Variants in PTPN3 observed in about 807,000 individuals in gnomAD.
PTPN3 encodes the protein protein tyrosine phosphatase non-receptor type 3.
A neutral mutation model predicts 132.7 loss-of-function variants in PTPN3; 96 were observed. That is an observed-to-expected ratio of 0.72 (90% CI 0.61 to 0.86). The LOEUF (loss-of-function observed/expected upper bound fraction) is 0.86, where lower values mean the gene tolerates loss of function less well. Among genes scored for constraint, PTPN3 ranks in the 40% least tolerant of loss-of-function variants. The probability of loss-of-function intolerance (pLI) is 0.00; values close to 1 mark genes in which losing one functional copy is unlikely to be tolerated. For synonymous variants in PTPN3, 398 were observed against 429.0 expected, an observed-to-expected ratio of 0.93 and a Z score of 0.89; for missense variants, 1,125 against 1,159.6, an observed-to-expected ratio of 0.97 and a Z score of 0.43.
chr9:109,500,303 T>C (rs1847847426), upstream of PTPN3, among the ~76,000 whole-genome samples: 4 of 152,216 alleles, frequency 2.6e-5, no homozygotes, highest in Admixed American at 2.6e-4. Context: ...TGTCTTAATC[T>C]GCTGACCCCT....
chr9:109,525,682 A>G, the PTPN3 span, among the ~76,000 whole-genome samples: 1 of 152,220 alleles, frequency 6.6e-6, no homozygotes, highest in Admixed American at 6.5e-5. Flanking sequence ...CCTGCTAATT[A>G]ACTCAAGCGT....
At chr9:109,537,627 T>C in the PTPN3 span, among the ~76,000 whole-genome samples, 3 of 152,224 alleles carry the variant, frequency 2.0e-5, no homozygotes, top group Non-Finnish European at 4.4e-5. Flanking sequence ...ATCTGAAAGA[T>C]TGGGGCTTAG....
intron 14 of PTPN3, among the ~76,000 whole-genome samples, chr9:109,410,813 A>T (rs1430240218): frequency 2.0e-5 from 3 of 152,102 alleles, no homozygotes; most frequent in African/African-American, 7.2e-5. Context: ...CTTCTGTCTC[A>T]CTTCTGCGGA....
intron 1 of PTPN3, among the ~76,000 whole-genome samples, chr9:109,487,487 A>G (rs1418229231): frequency 6.6e-6 from 1 of 152,246 alleles, no homozygotes; most frequent in East Asian, 1.9e-4. Flanking sequence ...GCCTCACCAG[A>G]GGCTCTGATT....
intron 11 of PTPN3, 48 bp from the exon 12 acceptor site, chr9:109,427,170 G>A: frequency 6.3e-7 from 1 of 1,589,792 alleles, no homozygotes; most frequent in Non-Finnish European, 8.6e-7. Flanking sequence ...CATAGGAGCA[G>A]GGACTTGTAA....
At chr9:109,466,742 A>G (rs1435796777) in intron 1 of PTPN3, among the ~76,000 whole-genome samples, 1 of 152,218 alleles carries the variant, frequency 6.6e-6, no homozygotes, top group Non-Finnish European at 1.5e-5. Context: ...ATGTCAGGGC[A>G]TGGCTAGAGA....
intron 1 of PTPN3, among the ~76,000 whole-genome samples, chr9:109,485,579 G>A (rs554944125): frequency 1.3e-5 from 2 of 152,178 alleles, no homozygotes; most frequent in African/African-American, 4.8e-5. Flanking sequence ...CCAGCCCCCA[G>A]ATCCTCGCCC....
chr9:109,514,127 A>T, the PTPN3 span, among the ~76,000 whole-genome samples: 2 of 152,138 alleles, frequency 1.3e-5, no homozygotes, highest in Non-Finnish European at 2.9e-5. Context: ...GGCACCCCCC[A>T]GTATTTCTCA....
chr9:109,463,739 T>C (rs563247561), intron 1 of PTPN3, among the ~76,000 whole-genome samples: 42 of 152,388 alleles, frequency 2.8e-4, no homozygotes, highest in Middle Eastern at 3.4e-3. Context: ...TAAATTTTTA[T>C]TTATGTTTCA....
Position 109,461,483 on chromosome 9 carries a change from G to A in PTPN3, c.138+1814C>T, listed in dbSNP as rs547096628. 3.0e-4 allele frequency among the ~76,000 whole-genome samples: 45 copies of A among 152,298 alleles called. No homozygotes were observed. The East Asian group carries it at 8.7e-3, about 29-fold the overall frequency. ...AAAATACAAAATTTAAGCCAGGCAT[G>A]GTAGCTCATGCTTTACAATTCCAGC... On this transcript the variant is annotated intron_variant, in intron 2 of 25. Transcript: ENST00000374541.
At chr9:109,494,940 C>A (rs1029987515) in intron 1 of PTPN3, among the ~76,000 whole-genome samples, 1 of 152,046 alleles carries the variant, frequency 6.6e-6, no homozygotes, top group African/African-American at 2.4e-5. Flanking sequence ...GGTGCACACA[C>A]AAGCAGAAGC....
chr9:109,454,773 A>C (rs1190611521), intron 4 of PTPN3, among the ~76,000 whole-genome samples, 199 bp from the exon 5 acceptor site: 1 of 152,248 alleles, frequency 6.6e-6, no homozygotes, highest in East Asian at 1.9e-4. Context: ...ACATTTATGC[A>C]ACATCAGCAC....
intron 1 of PTPN3, among the ~76,000 whole-genome samples, chr9:109,464,072 C>A (rs537407013): frequency 6.6e-6 from 1 of 152,192 alleles, no homozygotes; most frequent in Admixed American, 6.5e-5. Context: ...AAATTAAACC[C>A]ACAAAGCAAT....
chr9:109,515,747 G>A, the PTPN3 span, among the ~76,000 whole-genome samples: 1 of 152,142 alleles, frequency 6.6e-6, no homozygotes, highest in Non-Finnish European at 1.5e-5. Context: ...CAAGAGAAGA[G>A]GGGTACCATG....
At chr9:109,488,192 C>T (rs1212232236) in intron 1 of PTPN3, among the ~76,000 whole-genome samples, 3 of 151,434 alleles carry the variant, frequency 2.0e-5, no homozygotes, top group Admixed American at 6.6e-5. Flanking sequence ...GCCCCCACAC[C>T]CCAGGTTCAA....
chr9:109,489,523 C>T (rs577626672), intron 1 of PTPN3, among the ~76,000 whole-genome samples: 2 of 152,116 alleles, frequency 1.3e-5, no homozygotes, highest in Non-Finnish European at 2.9e-5. Flanking sequence ...CTAGGGCAGT[C>T]CCGGCTTAGA....
At chr9:109,462,583 G>A (rs1040318807) in intron 2 of PTPN3, among the ~76,000 whole-genome samples, 1 of 152,078 alleles carries the variant, frequency 6.6e-6, no homozygotes, top group Non-Finnish European at 1.5e-5. Flanking sequence ...AAGAGGTCAT[G>A]GGCAAAGGTC....
At chr9:109,457,624 G>T (rs936742937) in intron 2 of PTPN3, among the ~76,000 whole-genome samples, 1 of 152,198 alleles carries the variant, frequency 6.6e-6, no homozygotes, top group Non-Finnish European at 1.5e-5. Flanking sequence ...TAATTTAATT[G>T]TCTAAGATTT....
intron 2 of PTPN3, among the ~76,000 whole-genome samples, chr9:109,457,818 G>A (rs771011355): frequency 1.2e-4 from 18 of 152,190 alleles, no homozygotes; most frequent in African/African-American, 3.1e-4. Context: ...AGAAGCCACC[G>A]AAGTGCATGT....
Sources: gnomAD v4.1 joint callset for allele counts (sites outside exome capture counted in the v4.1 genomes callset) on GRCh38, gnomAD v4.1.1 for gene constraint, MANE v1.5 for transcripts, NCBI Gene and HGNC (gene_info 2026-07-23, HGNC 2026-07-21) for gene names.